CLYBL: variants seen among roughly 807,000 people sequenced by gnomAD.
CLYBL encodes citramalyl-CoA lyase, mitochondrial.
In CLYBL, 31 loss-of-function variants were observed where a neutral mutation model predicts 38.9. The ratio of observed to expected loss-of-function variants is 0.80; its 90% CI spans 0.60 to 1.08. CLYBL has a LOEUF of 1.08. Among genes scored for constraint, CLYBL ranks in the 50% least tolerant of loss-of-function variants. CLYBL has a pLI of 0.00. For synonymous variants in CLYBL, 171 were observed against 158.6 expected, an observed-to-expected ratio of 1.08 and a Z score of -0.59; for missense variants, 434 against 411.6, an observed-to-expected ratio of 1.05 and a Z score of -0.47.
At chr13:99,854,935 G>C (rs1594225023) in intron 2 of CLYBL, among the ~76,000 whole-genome samples, 1 of 152,122 alleles carries the variant, frequency 6.6e-6, no homozygotes, top group Admixed American at 6.5e-5. Context: ...TGAGCAGCAT[G>C]GCACGAAATA....
At chr13:99,872,750 A>G (rs2051940297) in intron 7 of CLYBL, among the ~76,000 whole-genome samples, 1 of 152,188 alleles carries the variant, frequency 6.6e-6, no homozygotes, top group South Asian at 2.1e-4. Flanking sequence ...GGGGTGTGGG[A>G]GAGTTTACCC....
At chr13:99,845,684 C>G (rs2051185801) in intron 2 of CLYBL, among the ~76,000 whole-genome samples, 1 of 152,148 alleles carries the variant, frequency 6.6e-6, no homozygotes, top group Non-Finnish European at 1.5e-5. Flanking sequence ...CGATACACAT[C>G]TTCAGAGGAA....
At chr13:99,662,671 A>G (rs185156446) in intron 1 of CLYBL, among the ~76,000 whole-genome samples, 1 of 152,092 alleles carries the variant, frequency 6.6e-6, no homozygotes, top group South Asian at 2.1e-4. Flanking sequence ...AATGGATACC[A>G]CTTTTCCTTT....
chr13:99,611,428 T>C (rs1037187836), intron 1 of CLYBL, among the ~76,000 whole-genome samples: 2 of 152,232 alleles, frequency 1.3e-5, no homozygotes, highest in Admixed American at 6.5e-5. Flanking sequence ...TTCTTCAGTG[T>C]GTTAATACGG....
At chr13:99,713,938 G>C (rs1021169617) in intron 1 of CLYBL, among the ~76,000 whole-genome samples, 57 of 151,596 alleles carry the variant, frequency 3.8e-4, no homozygotes, top group African/African-American at 1.3e-3. Context: ...TTTGCTTTCA[G>C]CTTCCTAAAA....
intron 1 of CLYBL, among the ~76,000 whole-genome samples, chr13:99,617,081 T>C (rs1224111861): frequency 1.3e-5 from 2 of 152,226 alleles, no homozygotes; most frequent in Non-Finnish European, 1.5e-5. Context: ...CTCCTCACTG[T>C]GTCTAAATGA....
downstream of CLYBL, chr13:99,896,950 G>T (rs2052588967): frequency 6.6e-6 from 1 of 152,160 alleles, no homozygotes; most frequent in Non-Finnish European, 1.5e-5. Context: ...CCAGTCACAG[G>T]ACTTATTCCA....
intron 1 of CLYBL, among the ~76,000 whole-genome samples, chr13:99,710,713 CCT>C (rs1210382361): frequency 1.3e-5 from 2 of 152,026 alleles, no homozygotes; most frequent in Non-Finnish European, 2.9e-5. Context: ...CCATTTAGCC[CCT>C]GTCTTGGTTT....
In CLYBL at chr13:99,666,924, A is replaced by G. The variant is rs9585172; in HGVS notation, c.62+60167A>G. ...TTCTGGGGATCACGTGATGCTGCCT[A>G]TACTTGGGGGTCTTGTGGAAAGCAG... is the stretch of plus-strand genomic sequence containing the variant. On this transcript the variant is annotated intron_variant, in intron 1 of 8. Coordinates refer to ENST00000339105, the MANE Select transcript of CLYBL (RefSeq NM_206808.5). Among the ~76,000 whole-genome samples the G allele has an allele frequency of 6.6e-3, 1,010 of 152,242 alleles. 14 individuals are homozygous for G. The highest frequency in any genetic ancestry group is 0.023 in the African/African-American group (972 of 41,520).
intron 7 of CLYBL, among the ~76,000 whole-genome samples, chr13:99,881,178 A>T (rs557963677): frequency 6.6e-6 from 1 of 152,326 alleles, no homozygotes; most frequent in Non-Finnish European, 1.5e-5. Context: ...AGGTAACCAT[A>T]GATTAGCACA....
chr13:99,620,713 G>T (rs1349876603), intron 1 of CLYBL, among the ~76,000 whole-genome samples: 2 of 151,992 alleles, frequency 1.3e-5, no homozygotes, highest in Non-Finnish European at 2.9e-5. Context: ...GAAGGTGGAG[G>T]TTGCAGTGAG....
At chr13:99,702,990 G>GT (rs1424414898) in intron 1 of CLYBL, among the ~76,000 whole-genome samples, 11 of 152,218 alleles carry the variant, frequency 7.2e-5, no homozygotes, top group Admixed American at 7.2e-4. Flanking sequence ...CGTGAATACA[G>GT]TATCTTTTCA....
At chr13:99,659,921 C>T (rs952844657) in intron 1 of CLYBL, among the ~76,000 whole-genome samples, 2 of 152,002 alleles carry the variant, frequency 1.3e-5, no homozygotes, top group African/African-American at 4.8e-5. Flanking sequence ...AACCAGGGGG[C>T]GATTTCTGGG....
chr13:99,754,416 C>CA (rs1172376194), intron 1 of CLYBL, among the ~76,000 whole-genome samples: 2,232 of 71,620 alleles, frequency 0.031, 72 homozygotes, highest in South Asian at 0.071. Flanking sequence ...GACCCTGTCT[C>CA]AAAAAAAAAA....
intron 2 of CLYBL, among the ~76,000 whole-genome samples, chr13:99,824,256 A>AGC (rs1347957345): frequency 5.7e-4 from 47 of 82,278 alleles, no homozygotes; most frequent in African/African-American, 2.3e-3. Context: ...TCTGACTAAT[A>AGC]GCCCCCCCCA....
At chr13:99,867,749 A>G (rs1353323293) in intron 6 of CLYBL, among the ~76,000 whole-genome samples, 1 of 152,184 alleles carries the variant, frequency 6.6e-6, no homozygotes, top group Non-Finnish European at 1.5e-5. Context: ...TTGGCCTGCA[A>G]TGTATGGCAC....
Position 99,674,142 on chromosome 13 carries a change from C to CTTTT in CLYBL, c.62+67409_62+67412dup, listed in dbSNP as rs1167068936. Among the ~76,000 whole-genome samples, 128 of 51,156 alleles carry CTTTT rather than the reference C, an allele frequency of 2.5e-3. 28 individuals carry two copies. The highest frequency in any genetic ancestry group is 0.01 in the African/African-American group (116 of 11,434). The allele number at this position is 51,156 out of a possible 152,430, so 33.6% of individuals were successfully genotyped here. A position where few individuals can be genotyped will look rare whatever the true frequency, so the allele number is the denominator to read the frequency against. On this transcript the variant is annotated intron_variant, in intron 1 of 8. Coordinates refer to ENST00000339105, the MANE Select transcript of CLYBL (RefSeq NM_206808.5). ...TCGTTTTTTTTTAGCTACTAGAATT[C>CTTTT]TTTTTTTTTTTTTTTTTTTTTTTTT...
At chr13:99,866,550 G>A in intron 6 of CLYBL, 143 bp downstream of exon 6, 1 of 649,640 alleles carries the variant, frequency 1.5e-6, no homozygotes. Flanking sequence ...TCACACAGGG[G>A]AAGAACTTGC....
chr13:99,845,732 C>T (rs1484951360), intron 2 of CLYBL, among the ~76,000 whole-genome samples: 1 of 152,168 alleles, frequency 6.6e-6, no homozygotes, highest in Non-Finnish European at 1.5e-5. Context: ...GAGAAGCCAC[C>T]TCCCGGGGGC....
Sources: allele counts gnomAD v4.1 joint callset (sites outside exome capture counted in the v4.1 genomes callset), GRCh38; gene constraint gnomAD v4.1.1; transcripts MANE v1.5; gene names NCBI Gene and HGNC (gene_info 2026-07-23, HGNC 2026-07-21).